ZYG11B: variants seen among roughly 807,000 people sequenced by gnomAD.
The protein encoded by ZYG11B is protein zyg-11 homolog B.
A neutral mutation model predicts 82.4 loss-of-function variants in ZYG11B; 36 were observed. That is an observed-to-expected ratio of 0.44 (90% CI 0.33 to 0.58). The LOEUF (loss-of-function observed/expected upper bound fraction) is 0.58. Among genes scored for constraint, ZYG11B ranks in the 20% least tolerant of loss-of-function variants. ZYG11B has a pLI of 0.02. For missense variants in ZYG11B, 552 were observed against 895.6 expected (o/e 0.62, Z 4.90); for synonymous variants, 303 against 312.8 (o/e 0.97, Z 0.33).
At chr1:52,727,938 T>C (rs968295126) in intron 1 of ZYG11B, among the ~76,000 whole-genome samples, 1 of 152,218 alleles carries the variant, frequency 6.6e-6, no homozygotes, top group African/African-American at 2.4e-5. Context: ...AGTTTCTTTT[T>C]TTCCCTCCAG....
intron 8 of ZYG11B, 106 bp downstream of exon 8, chr1:52,796,890 TA>T (rs1331197775): frequency 1.6e-4 from 19 of 120,790 alleles, no homozygotes; most frequent in African/African-American, 7.8e-4. Flanking sequence ...TAATTATATA[TA>T]ATATATAATT....
intron 1 of ZYG11B, among the ~76,000 whole-genome samples, chr1:52,728,712 A>G (rs573727657): frequency 6.6e-6 from 1 of 152,214 alleles, no homozygotes; most frequent in Non-Finnish European, 1.5e-5. Context: ...GGGAGGAGTT[A>G]TGAACTCCCC....
rs553957652 is a variant in ZYG11B at position 52,750,719 on chromosome 1, A to C, written c.31-5739A>C. Among the ~76,000 whole-genome samples, 6 of 152,072 alleles carry C rather than the reference A, an allele frequency of 3.9e-5. No individual in the cohort carries two copies. In the East Asian group the frequency reaches 1.2e-3, roughly 29 times the overall value. Reference sequence around the variant, plus strand: ...CAATCAATTTTAGAACATTTTCATCACTCCAAAAAGAAGCCCTGTGCCCAC... The same window carrying C: ...CAATCAATTTTAGAACATTTTCATCCCTCCAAAAAGAAGCCCTGTGCCCAC... On this transcript the variant is annotated intron_variant, in intron 1 of 13. Transcript: ENST00000294353.
At chr1:52,802,629 G>GCTCC (rs1558139695) in intron 10 of ZYG11B, among the ~76,000 whole-genome samples, 7 of 151,668 alleles carry the variant, frequency 4.6e-5, no homozygotes, top group Non-Finnish European at 7.4e-5. Context: ...GGGATTATAG[G>GCTCC]CATGAGCTGC....
At chr1:52,740,614 G>T (rs562911217) in intron 1 of ZYG11B, among the ~76,000 whole-genome samples, 1 of 148,598 alleles carries the variant, frequency 6.7e-6, no homozygotes, top group East Asian at 2.0e-4. Context: ...CCCAGGCTGG[G>T]TGCAAGTGGC....
At chr1:52,793,444 T>C (rs972851985) in intron 6 of ZYG11B, among the ~76,000 whole-genome samples, 1 of 152,074 alleles carries the variant, frequency 6.6e-6, no homozygotes, top group Admixed American at 6.6e-5. Context: ...GGAGCCAAAA[T>C]TGTGCCACTG....
intron 12 of ZYG11B, among the ~76,000 whole-genome samples, 178 bp downstream of exon 12, chr1:52,814,090 G>A (rs1196489576): frequency 6.6e-6 from 1 of 151,964 alleles, no homozygotes; most frequent in Non-Finnish European, 1.5e-5. Flanking sequence ...GCATGATCTT[G>A]GCTCACTGCA....
intron 1 of ZYG11B, among the ~76,000 whole-genome samples, chr1:52,728,859 G>C (rs1465812899): frequency 8.3e-6 from 1 of 121,040 alleles, no homozygotes; most frequent in East Asian, 5.0e-4. Flanking sequence ...CCCCTCACAG[G>C]GATTTTTTTT....
At chr1:52,795,351 C>T (rs948614086) in intron 6 of ZYG11B, among the ~76,000 whole-genome samples, 4 of 152,110 alleles carry the variant, frequency 2.6e-5, no homozygotes, top group South Asian at 2.1e-4. Context: ...TTCCTTACAG[C>T]CTGTGGAACC....
intron 10 of ZYG11B, among the ~76,000 whole-genome samples, chr1:52,812,905 T>G (rs892271614): frequency 6.6e-6 from 1 of 151,958 alleles, no homozygotes; most frequent in African/African-American, 2.4e-5. Flanking sequence ...TTTTGTGTAT[T>G]TAGTAGAGAC....
intron 1 of ZYG11B, 61 bp downstream of exon 1, chr1:52,726,744 G>T (rs1459952191): frequency 2.8e-6 from 4 of 1,408,300 alleles, no homozygotes; most frequent in East Asian, 6.0e-5. Context: ...CGCCCGTCGC[G>T]CTGGCCCCTG....
chr1:52,776,307 G>T (rs1426737734), intron 3 of ZYG11B, among the ~76,000 whole-genome samples: 2 of 141,778 alleles, frequency 1.4e-5, no homozygotes, highest in Non-Finnish European at 3.1e-5. Flanking sequence ...AAGACATGCG[G>T]ATCACTTGAG....
At chr1:52,790,459 A>G (rs1294776270) in intron 6 of ZYG11B, among the ~76,000 whole-genome samples, 2 of 152,166 alleles carry the variant, frequency 1.3e-5, no homozygotes, top group Admixed American at 6.5e-5. Context: ...GGCCAGGCAC[A>G]GTGGCTCATG....
At chr1:52,778,384 C>T (rs936636595) in intron 3 of ZYG11B, among the ~76,000 whole-genome samples, 6 of 152,080 alleles carry the variant, frequency 3.9e-5, no homozygotes, top group Non-Finnish European at 8.8e-5. Flanking sequence ...CCTCAGCCTC[C>T]GAAAGTGCTG....
At chr1:52,803,845 TC>T (rs2149960883) in intron 10 of ZYG11B, among the ~76,000 whole-genome samples, 1 of 152,300 alleles carries the variant, frequency 6.6e-6, no homozygotes, top group South Asian at 2.1e-4. Flanking sequence ...GCTCAAGCAG[TC>T]TTCCTGCCTT....
At chr1:52,788,261 G>A (rs1257090332) in intron 5 of ZYG11B, among the ~76,000 whole-genome samples, 1 of 152,140 alleles carries the variant, frequency 6.6e-6, no homozygotes, top group Non-Finnish European at 1.5e-5. Context: ...GCATAGTTCA[G>A]ACTGTAGCCC....
chr1:52,809,021 C>T (rs796462136), intron 10 of ZYG11B, among the ~76,000 whole-genome samples: 13 of 152,146 alleles, frequency 8.5e-5, no homozygotes, highest in African/African-American at 3.1e-4. Flanking sequence ...TTTTAATATC[C>T]TAATCGGCTA....
intron 12 of ZYG11B, 133 bp from the exon 13 acceptor site, chr1:52,816,399 T>C (rs1265828856): frequency 1.6e-6 from 1 of 633,298 alleles, no homozygotes; most frequent in Non-Finnish European, 2.8e-6. Context: ...AGAAATGATA[T>C]TCTATAGCTC....
intron 1 of ZYG11B, among the ~76,000 whole-genome samples, chr1:52,734,071 T>A (rs1176890671): frequency 6.6e-6 from 1 of 152,166 alleles, no homozygotes; most frequent in Non-Finnish European, 1.5e-5. Context: ...TAATCATAGC[T>A]CACTATAACC....
Sources: gnomAD v4.1 joint callset for allele counts (sites outside exome capture counted in the v4.1 genomes callset) on GRCh38, gnomAD v4.1.1 for gene constraint, MANE v1.5 for transcripts, NCBI Gene and HGNC (gene_info 2026-07-23, HGNC 2026-07-21) for gene names.